Variants in HSPA4 observed in about 807,000 individuals in gnomAD.
HSPA4 encodes the protein heat shock 70 kDa protein 4.
HSPA4 carries 25 observed loss-of-function variants against 106.2 expected under a neutral mutation model. That is an observed-to-expected ratio of 0.24 (90% CI 0.17 to 0.33). HSPA4 has a LOEUF of 0.33. Ranked by LOEUF, HSPA4 falls within the 10% of genes least tolerant of loss-of-function variation. The pLI, the probability that HSPA4 is intolerant of heterozygous loss-of-function variation, is 1.00. For missense variants in HSPA4, 841 were observed against 996.0 expected, an observed-to-expected ratio of 0.84 and a Z score of 2.10; for synonymous variants, 332 against 333.6, an observed-to-expected ratio of 1.00 and a Z score of 0.05.
At chr5:133,054,988 C>T (rs969342279) in intron 1 of HSPA4, among the ~76,000 whole-genome samples, 1 of 152,160 alleles carries the variant, frequency 6.6e-6, no homozygotes, top group African/African-American at 2.4e-5. Context: ...TTATCACATG[C>T]TCCTGTTTTT....
intron 7 of HSPA4, among the ~76,000 whole-genome samples, chr5:133,078,471 C>T (rs1184882519): frequency 6.6e-6 from 1 of 151,076 alleles, no homozygotes; most frequent in Admixed American, 6.6e-5. Context: ...TCTTTCTCTA[C>T]TAAAAATACA....
chr5:133,087,299 A>C (rs756880769), intron 8 of HSPA4, among the ~76,000 whole-genome samples: 2 of 152,234 alleles, frequency 1.3e-5, no homozygotes, highest in African/African-American at 2.4e-5. Flanking sequence ...ATTTAGGAAT[A>C]TATACTAATT....
rs374443682 is a variant in HSPA4, at chr5:133,091,386, A to G, written c.1560+12A>G. On this transcript the variant is annotated intron_variant, in intron 12 of 18. Transcript: ENST00000304858. Reference sequence around the variant, plus strand: ...CAAAGGAGGAAGAGGTAATCTAGACATTGTATACCACTTGTGATGGCCCAG... The same window carrying G: ...CAAAGGAGGAAGAGGTAATCTAGACGTTGTATACCACTTGTGATGGCCCAG... 1.9e-6 allele frequency: 3 copies of G among 1,599,742 alleles called. No individual in the cohort carries two copies. The African/African-American group carries it at 4.0e-5, about 21-fold the overall frequency.
intron 7 of HSPA4, among the ~76,000 whole-genome samples, chr5:133,080,195 C>G (rs957904701): frequency 6.6e-6 from 1 of 151,388 alleles, no homozygotes; most frequent in Non-Finnish European, 1.5e-5. Flanking sequence ...GGGCGGATGG[C>G]TTGAGCTCAG....
At chr5:133,085,166 G>A (rs1022922039) in intron 7 of HSPA4, among the ~76,000 whole-genome samples, 7 of 151,188 alleles carry the variant, frequency 4.6e-5, no homozygotes, top group Non-Finnish European at 8.8e-5. Context: ...TAGTATGTTC[G>A]TAGAGCTCAG....
rs1179139256 is a variant in HSPA4 at position 133,105,749 on chromosome 5, G to A, written c.*1313G>A. On this transcript the variant is annotated 3_prime_UTR_variant, in exon 19 of 19. Coordinates refer to ENST00000304858, the MANE Select transcript of HSPA4 (RefSeq NM_002154.4). The stretch of plus-strand genomic sequence containing the variant: ...CTCTCTGTTACTTTTGGCCTATGTT[G>A]TTAGAAATAAGATGCTATCTTGCAT... 1 of 152,146 alleles carries A rather than the reference G, an allele frequency of 6.6e-6. No individual in the cohort carries two copies. Among genetic ancestry groups the A allele is most frequent in the Admixed American group, 6.5e-5 (1 of 15,274 alleles). 9.4% of individuals were successfully genotyped at this position (152,146 alleles called of 1,614,324 possible).
chr5:133,101,656 A>G, intron 16 of HSPA4, 103 bp from the exon 17 acceptor site: 4 of 1,074,600 alleles, frequency 3.7e-6, no homozygotes, highest in East Asian at 2.5e-5. Flanking sequence ...AACTTCTTAT[A>G]TATAGCACAC....
At chr5:133,054,846 G>A (rs1349468856) in intron 1 of HSPA4, among the ~76,000 whole-genome samples, 2 of 152,156 alleles carry the variant, frequency 1.3e-5, no homozygotes, top group Non-Finnish European at 2.9e-5. Flanking sequence ...AGGCTAAAGC[G>A]CTGAGTTAAT....
intron 1 of HSPA4, among the ~76,000 whole-genome samples, chr5:133,064,304 G>A (rs1258906539): frequency 1.3e-5 from 2 of 152,100 alleles, no homozygotes; most frequent in South Asian, 2.1e-4. Context: ...TCAGGAGTTC[G>A]ATACCAGCCT....
rs557689135 is a variant in HSPA4, at chr5:133,059,467, G to A, written c.108-5513G>A. On this transcript the variant is annotated intron_variant, in intron 1 of 18. Transcript: ENST00000304858. ...TGTCTCAAAAAAAAAAAAAAAATTA[G>A]CTAGGCATGGTGGTACACACCTATA... is the stretch of plus-strand genomic sequence containing the variant. Among the ~76,000 whole-genome samples the A allele has an allele frequency of 2.0e-5, 3 of 148,246 alleles. No individual in the cohort carries two copies. In the South Asian group the frequency reaches 6.4e-4, roughly 32 times the overall value.
Position 133,088,549 on chromosome 5 carries a change from A to T in HSPA4, c.1131A>T (p.Ala377=). Residue 377 remains alanine, a synonymous_variant, in exon 9 of 19, where the codon GCA becomes GCT. Coordinates refer to ENST00000304858, the MANE Select transcript of HSPA4 (RefSeq NM_002154.4). ...ATGAAGCTGTCACTCGAGGCTGTGC[A>T]TTGCAGGTGAATATTCTTTCTTTTA... The part of the protein sequence containing the change: ...NADEAVTRGC[A]LQCAILSPAF... 6.2e-7 allele frequency: 1 copy of T among 1,612,944 alleles called. No individual in the cohort carries two copies. The highest frequency in any genetic ancestry group is 8.5e-7 in the Non-Finnish European group (1 of 1,179,056).
rs1765849589 is a variant in HSPA4 at position 133,105,782 on chromosome 5, AT to A, written c.*1348del. On this transcript the variant is annotated 3_prime_UTR_variant, in exon 19 of 19. Transcript: ENST00000304858. ...TAAGATGCTATCTTGCATAGTTAGA[AT>A]TAAGCGTTTGTCCATCTCTAGATAA... The A allele has an allele frequency of 6.6e-6, 1 of 152,198 alleles. No individual in the cohort carries two copies. The highest frequency in any genetic ancestry group is 1.5e-5 in the Non-Finnish European group (1 of 68,036). 9.4% of individuals were successfully genotyped at this position (152,198 alleles called of 1,614,324 possible).
chr5:133,100,144 A>G (rs1366930237), intron 16 of HSPA4, among the ~76,000 whole-genome samples: 2 of 151,642 alleles, frequency 1.3e-5, no homozygotes, highest in Non-Finnish European at 2.9e-5. Context: ...GCTCACTGCA[A>G]CCTCTGCCTC....
chr5:133,068,993 A>G (rs781126378), intron 3 of HSPA4, among the ~76,000 whole-genome samples: 8 of 152,186 alleles, frequency 5.3e-5, no homozygotes, highest in Non-Finnish European at 8.8e-5. Context: ...GAACTGTTCA[A>G]TTCTAAACCA....
intron 1 of HSPA4, among the ~76,000 whole-genome samples, chr5:133,053,481 T>A (rs1412489275): frequency 6.6e-6 from 1 of 151,710 alleles, no homozygotes; most frequent in East Asian, 1.9e-4. Context: ...CCTGAGTAGC[T>A]GGCGTTGCAG....
intron 11 of HSPA4, 125 bp downstream of exon 11, chr5:133,089,820 C>A: frequency 1.6e-6 from 1 of 644,550 alleles, no homozygotes; most frequent in Non-Finnish European, 2.4e-6. Flanking sequence ...TCGAGATCAG[C>A]CTGGGCAACA....
At position 133,076,702 on chromosome 5, in the gene HSPA4, G is replaced by C; in HGVS notation, c.712G>C (p.Glu238Gln). The C allele has an allele frequency of 6.2e-7, 1 of 1,613,684 alleles. No individual in the cohort carries two copies. The change falls in exon 7 of 19, where the codon GAA becomes CAA. Residue 238 changes from glutamate to glutamine, a missense_variant. Physicochemically the swap from Glu to Gln is conservative, Grantham distance 29. Coordinates refer to ENST00000304858, the MANE Select transcript of HSPA4 (RefSeq NM_002154.4). ...DTTLGGRKFDEVLVNHFCEEF... is the reference protein window; with the variant it reads ...DTTLGGRKFDQVLVNHFCEEF... Reference sequence around the variant, plus strand: ...GACATTGGGAGGTAGAAAATTTGATGAAGTGTTAGTAAATCACTTCTGTGA... The same window carrying C: ...GACATTGGGAGGTAGAAAATTTGATCAAGTGTTAGTAAATCACTTCTGTGA...
At chr5:133,065,871 A>AG (rs1183888186) in intron 2 of HSPA4, among the ~76,000 whole-genome samples, 2 of 152,234 alleles carry the variant, frequency 1.3e-5, no homozygotes, top group Non-Finnish European at 2.9e-5. Flanking sequence ...TGTAAAATTA[A>AG]GGAGTTGCAT....
chr5:133,101,310 T>G (rs537605478), intron 16 of HSPA4, among the ~76,000 whole-genome samples: 1 of 152,224 alleles, frequency 6.6e-6, no homozygotes, highest in Non-Finnish European at 1.5e-5. Context: ...GGATCATTGG[T>G]CCTGTAGGAT....
Sources: gnomAD v4.1 joint callset for allele counts (sites outside exome capture counted in the v4.1 genomes callset) on GRCh38, gnomAD v4.1.1 for gene constraint, MANE v1.5 for transcripts, NCBI Gene and HGNC (gene_info 2026-07-23, HGNC 2026-07-21) for gene names.